EXOC4: variants seen among roughly 807,000 people sequenced by gnomAD.
EXOC4 encodes exocyst complex component 4.
Under a neutral mutation model 107.2 loss-of-function variants are expected in EXOC4, and 71 were observed. That is an observed-to-expected ratio of 0.66 (90% CI 0.55 to 0.81). The LOEUF is 0.81. Among genes scored for constraint, EXOC4 ranks in the 30% least tolerant of loss-of-function variants. EXOC4 has a pLI of 0.00. For synonymous variants in EXOC4, 456 were observed against 441.2 expected (o/e 1.03, Z -0.42); for missense variants, 1,108 against 1,189.6 (o/e 0.93, Z 1.01).
At chr7:133,647,133 G>A (rs1245047681) in intron 10 of EXOC4, among the ~76,000 whole-genome samples, 2 of 152,152 alleles carry the variant, frequency 1.3e-5, no homozygotes. Context: ...GCAAACATTA[G>A]TGTCATTTCC....
At chr7:133,281,392 G>A (rs1003784727) in intron 2 of EXOC4, among the ~76,000 whole-genome samples, 1 of 147,324 alleles carries the variant, frequency 6.8e-6, no homozygotes, top group Non-Finnish European at 1.5e-5. Flanking sequence ...GGAAAAAATT[G>A]GGTTGGTCTC....
intron 11 of EXOC4, among the ~76,000 whole-genome samples, chr7:133,820,819 C>T (rs1016089158): frequency 3.3e-5 from 5 of 152,146 alleles, no homozygotes; most frequent in Admixed American, 2.0e-4. Flanking sequence ...CGGACAGACA[C>T]GGTGCCTAGG....
At chr7:133,950,497 A>C (rs1173540157) in intron 14 of EXOC4, among the ~76,000 whole-genome samples, 1 of 149,780 alleles carries the variant, frequency 6.7e-6, no homozygotes, top group Non-Finnish European at 1.5e-5. Flanking sequence ...ATCTTCTGTC[A>C]TTGGGAACTC....
chr7:133,743,140 C>T (rs1229505786), intron 10 of EXOC4, among the ~76,000 whole-genome samples: 1 of 152,144 alleles, frequency 6.6e-6, no homozygotes, highest in African/African-American at 2.4e-5. Context: ...GCTCTACTAG[C>T]TCAGTCAATA....
chr7:133,555,652 G>T (rs1469370545), intron 9 of EXOC4, among the ~76,000 whole-genome samples: 1 of 152,186 alleles, frequency 6.6e-6, no homozygotes, highest in Non-Finnish European at 1.5e-5. Context: ...AGGGTTAAAT[G>T]AGATAATGCC....
chr7:133,289,156 A>T, intron 3 of EXOC4, 40 bp downstream of exon 3: 1 of 1,558,166 alleles, frequency 6.4e-7, no homozygotes, highest in Non-Finnish European at 8.8e-7. Flanking sequence ...TTTTGTTAAG[A>T]TGTAAAAGCA....
chr7:133,923,596 T>C (rs1799986962), intron 13 of EXOC4, among the ~76,000 whole-genome samples: 1 of 152,250 alleles, frequency 6.6e-6, no homozygotes, highest in South Asian at 2.1e-4. Flanking sequence ...ATTGCCCATT[T>C]TAATTAGCTT....
At chr7:133,929,513 T>A (rs1462220378) in intron 13 of EXOC4, among the ~76,000 whole-genome samples, 1 of 152,184 alleles carries the variant, frequency 6.6e-6, no homozygotes, top group African/African-American at 2.4e-5. Context: ...CATTTTCACT[T>A]TTTTGCCAAT....
chr7:133,306,059 C>G lies in EXOC4; in HGVS notation c.654C>G (p.Ile218Met). The G allele has an allele frequency of 6.2e-7, 1 of 1,609,378 alleles. No homozygotes were observed. The highest frequency in any genetic ancestry group is 8.5e-7 in the Non-Finnish European group (1 of 1,177,680). Reference sequence around the variant, plus strand: ...AGCGTAACAAGGAAAAAGGGAAAATCAGGTTAAAGAGGCTCTTTGCTATAA... The same window carrying G: ...AGCGTAACAAGGAAAAAGGGAAAATGAGGTTAAAGAGGCTCTTTGCTATAA... ...VVQRNKEKGK[I>M]SSLVKDASVP... Residue 218 changes from isoleucine (I) to methionine (M), a missense_variant and splice_region_variant, in exon 4 of 18, where the codon ATC becomes ATG. Physicochemically the swap from Ile to Met is conservative, Grantham distance 10. Coordinates refer to ENST00000253861, the MANE Select transcript of EXOC4 (RefSeq NM_021807.4).
chr7:133,939,495 G>A lies in EXOC4; in HGVS notation c.2206+1426G>A, dbSNP rs887695327. ...CCAGAAATCTCCTTAAAATATTACT[G>A]CATATTTATACTTTTATTCTTACGT... On this transcript the variant is annotated intron_variant, in intron 14 of 17. Transcript: ENST00000253861. Among the ~76,000 whole-genome samples the A allele has an allele frequency of 3.3e-5, 5 of 152,098 alleles. No individual in the cohort carries two copies. In the South Asian group the frequency reaches 1.0e-3, roughly 32 times the overall value.
At chr7:133,337,330 A>G (rs1299819059) in intron 5 of EXOC4, among the ~76,000 whole-genome samples, 1 of 152,110 alleles carries the variant, frequency 6.6e-6, no homozygotes, top group African/African-American at 2.4e-5. Context: ...CAATTTATGG[A>G]GCATTGGGAC....
At position 133,556,840 on chromosome 7, in the gene EXOC4, T is replaced by C. The variant is rs183631559; in HGVS notation, c.1418-73205T>C. Among the ~76,000 whole-genome samples, 8 of 152,280 alleles carry C rather than the reference T, an allele frequency of 5.3e-5. No individual in the cohort carries two copies. The East Asian group carries it at 1.5e-3, about 29-fold the overall frequency. On this transcript the variant is annotated intron_variant, in intron 9 of 17. Transcript: ENST00000253861. ...TCTTCGGGGAATCTGTACTTAGATGTAGGTATGAAAAGAGCTGGAGCCCAG... is the reference window on the plus strand; with the variant it reads ...TCTTCGGGGAATCTGTACTTAGATGCAGGTATGAAAAGAGCTGGAGCCCAG...
chr7:133,799,440 CT>C (rs1008912850), intron 10 of EXOC4, among the ~76,000 whole-genome samples: 11 of 152,294 alleles, frequency 7.2e-5, no homozygotes, highest in African/African-American at 2.6e-4. Context: ...TGCATTGCCC[CT>C]GTCCCTCTCA....
chr7:133,404,892 A>C (rs1224165363), intron 7 of EXOC4, among the ~76,000 whole-genome samples: 1 of 28,244 alleles, frequency 3.5e-5, no homozygotes, highest in African/African-American at 1.5e-4. Flanking sequence ...CAATACACAC[A>C]CACACACACA....
At position 133,694,279 on chromosome 7, in the gene EXOC4, A is replaced by G. The variant is rs1260963873; in HGVS notation, c.1514+64138A>G. On this transcript the variant is annotated intron_variant, in intron 10 of 17. Transcript: ENST00000253861. ...CTTCTCAAAAAAAAAAAAAAAAAAA[A>G]ATTGTTATAAATGCTAAGTCTCAGA... Among the ~76,000 whole-genome samples the G allele has an allele frequency of 2.4e-5, 3 of 123,284 alleles. No individual in the cohort carries two copies. In the East Asian group the frequency reaches 7.5e-4, roughly 31 times the overall value. The allele number at this position is 123,284 out of a possible 152,430, so 80.9% of individuals were successfully genotyped here. A position where few individuals can be genotyped will look rare whatever the true frequency, so the allele number is the denominator to read the frequency against.
chr7:133,589,818 CT>C (rs1361417223), intron 9 of EXOC4, among the ~76,000 whole-genome samples: 1 of 152,182 alleles, frequency 6.6e-6, no homozygotes, highest in African/African-American at 2.4e-5. Context: ...AACAAGTCAT[CT>C]ATTTATAAAC....
At chr7:133,823,855 ATATATATATATATATAT>A (rs1797598889) in intron 11 of EXOC4, among the ~76,000 whole-genome samples, 1 of 15,884 alleles carries the variant, frequency 6.3e-5, no homozygotes, top group Non-Finnish European at 8.9e-5. Flanking sequence ...ATATATATAT[ATATATATATATATATAT>A]TATATATATA....
intron 5 of EXOC4, among the ~76,000 whole-genome samples, chr7:133,337,283 GCAAGTAGAAAGTTTCCTTCATTTT>G (rs1481149129): frequency 6.6e-6 from 1 of 152,100 alleles, no homozygotes; most frequent in Non-Finnish European, 1.5e-5. Flanking sequence ...CTTTATAAAA[GCAAGTAGAAAGTTTCCTTCATTTT>G]CAAGACTTGG....
chr7:133,552,069 T>C (rs1800600263), intron 9 of EXOC4, among the ~76,000 whole-genome samples: 1 of 152,196 alleles, frequency 6.6e-6, no homozygotes, highest in African/African-American at 2.4e-5. Context: ...GGAATAATGA[T>C]ATTGTGAATG....
Sources: allele counts gnomAD v4.1 joint callset (sites outside exome capture counted in the v4.1 genomes callset), GRCh38; gene constraint gnomAD v4.1.1; transcripts MANE v1.5; gene names NCBI Gene and HGNC (gene_info 2026-07-23, HGNC 2026-07-21).